Variants in STAU2 observed in about 807,000 individuals in gnomAD.
STAU2 encodes the protein double-stranded RNA-binding protein Staufen homolog 2.
STAU2 carries 20 observed loss-of-function variants against 65.9 expected under a neutral mutation model. The ratio of observed to expected loss-of-function variants is 0.30; its 90% CI spans 0.21 to 0.44. The LOEUF is 0.44. STAU2 is among the 20% of genes least tolerant of loss of function. STAU2 has a pLI of 1.00. For synonymous variants in STAU2, 232 were observed against 233.9 expected (o/e 0.99, Z 0.07); for missense variants, 558 against 683.9 (o/e 0.82, Z 2.05).
chr8:73,601,378 G>A (rs1811618431), intron 10 of STAU2, among the ~76,000 whole-genome samples: 1 of 151,974 alleles, frequency 6.6e-6, no homozygotes, highest in South Asian at 2.1e-4. Context: ...AAAATGAAAA[G>A]CTTTAAGAAA....
chr8:73,721,188 G>A (rs1821641449), intron 3 of STAU2, among the ~76,000 whole-genome samples: 1 of 145,830 alleles, frequency 6.9e-6, no homozygotes, highest in Non-Finnish European at 1.5e-5. Context: ...TACTCGGGGA[G>A]CAGAAATGGG....
intron 13 of STAU2, among the ~76,000 whole-genome samples, chr8:73,518,423 G>A (rs952568917): frequency 1.4e-4 from 22 of 152,146 alleles, no homozygotes; most frequent in Non-Finnish European, 2.4e-4. Context: ...AAATATTTTA[G>A]GACGTGCAGG....
At chr8:73,486,918 G>A (rs1035156356) in intron 13 of STAU2, among the ~76,000 whole-genome samples, 2 of 151,902 alleles carry the variant, frequency 1.3e-5, no homozygotes, top group Admixed American at 6.6e-5. Context: ...CTCTCAAGGC[G>A]CTGGCATTAC....
intron 13 of STAU2, chr8:73,550,899 C>T (rs1807286760): frequency 5.1e-6 from 5 of 986,932 alleles, no homozygotes; most frequent in Non-Finnish European, 6.0e-6. Flanking sequence ...AAACACATGA[C>T]CTTCTTTTTC....
At chr8:73,724,653 T>TTGTGTGTGTGTG (rs369351905) in intron 3 of STAU2, among the ~76,000 whole-genome samples, 4 of 100,084 alleles carry the variant, frequency 4.0e-5, no homozygotes, top group East Asian at 5.8e-4. Context: ...GTTCAGTAGG[T>TTGTGTGTGTGTG]TGTGTGTGTG....
intron 12 of STAU2, among the ~76,000 whole-genome samples, chr8:73,554,265 A>G (rs1807558581): frequency 6.6e-6 from 1 of 152,214 alleles, no homozygotes; most frequent in African/African-American, 2.4e-5. Context: ...GAAAAAGCTG[A>G]AAGCTGAAGC....
chr8:73,506,973 G>A (rs189495174), intron 13 of STAU2, among the ~76,000 whole-genome samples: 22 of 152,192 alleles, frequency 1.4e-4, no homozygotes, highest in African/African-American at 4.1e-4. Context: ...GTAATTCAGC[G>A]CTATCTTCAG....
At chr8:73,694,147 T>C (rs527542950) in intron 4 of STAU2, among the ~76,000 whole-genome samples, 1 of 152,312 alleles carries the variant, frequency 6.6e-6, no homozygotes, top group South Asian at 2.1e-4. Flanking sequence ...TAAGAAGACA[T>C]TGATATCCTA....
At chr8:73,659,600 T>C (rs902778551) in intron 6 of STAU2, among the ~76,000 whole-genome samples, 1 of 152,038 alleles carries the variant, frequency 6.6e-6, no homozygotes, top group Non-Finnish European at 1.5e-5. Flanking sequence ...TAAACACAAG[T>C]AAATAAACAT....
At chr8:73,440,823 C>T (rs182231107) in intron 13 of STAU2, 1 of 152,420 alleles carries the variant, frequency 6.6e-6, no homozygotes, top group East Asian at 1.9e-4. Flanking sequence ...AGCCCCAAAG[C>T]CCTACATGAT....
Position 73,552,185 on chromosome 8 carries a change from T to C in STAU2, c.1357A>G (p.Ser453Gly), listed in dbSNP as rs1283289032. ...DMNQPSSSFF[S>G]ISPTSNSSAT... is the part of the protein sequence containing the mutation. ...GAACTATTCGATGTGGGAGATATACTGAAGAAAGAGCTTGAAGGTTGGTTC... is the reference window on the plus strand; with the variant it reads ...GAACTATTCGATGTGGGAGATATACCGAAGAAAGAGCTTGAAGGTTGGTTC... Residue 453 changes from serine to glycine, a missense_variant, in exon 13 of 15, where the codon AGT becomes GGT. Physicochemically the swap from Ser to Gly is moderately conservative, Grantham distance 56. Around this residue, in one of 3 missense-constraint regions of STAU2, gnomAD observed 247 missense variants for 270.1 expected, o/e 0.91. Coordinates refer to ENST00000524300, the MANE Select transcript of STAU2 (RefSeq NM_001164380.2). 6.2e-6 allele frequency: 10 copies of C among 1,613,876 alleles called. No individual in the cohort carries two copies. The Admixed American group carries it at 1.7e-4, about 27-fold the overall frequency.
chr8:73,577,291 G>A (rs1028533975), intron 12 of STAU2, among the ~76,000 whole-genome samples: 15 of 151,914 alleles, frequency 9.9e-5, no homozygotes, highest in African/African-American at 3.4e-4. Context: ...AGCCGGGCGT[G>A]GTGGCAGGCG....
intron 3 of STAU2, among the ~76,000 whole-genome samples, chr8:73,721,972 C>T (rs1040882248): frequency 2.0e-5 from 3 of 151,976 alleles, no homozygotes; most frequent in African/African-American, 7.2e-5. Flanking sequence ...GTGTTTGTTC[C>T]TTTTTTCTTC....
chr8:73,554,769 G>A (rs1807593038), intron 12 of STAU2, among the ~76,000 whole-genome samples: 2 of 152,178 alleles, frequency 1.3e-5, no homozygotes, highest in African/African-American at 2.4e-5. Flanking sequence ...TCTTTCACCA[G>A]TTTATCAGTT....
chr8:73,575,659 T>G (rs1002217453), intron 12 of STAU2, among the ~76,000 whole-genome samples: 3 of 152,246 alleles, frequency 2.0e-5, no homozygotes, highest in Admixed American at 2.0e-4. Flanking sequence ...CAGGACATAC[T>G]GTTAAGCTAA....
chr8:73,691,246 C>T (rs1045483962), intron 4 of STAU2, among the ~76,000 whole-genome samples: 3 of 152,150 alleles, frequency 2.0e-5, no homozygotes, highest in Non-Finnish European at 4.4e-5. Context: ...CAAATCAGTT[C>T]ATACCCCAAA....
In STAU2 at chr8:73,429,413, C is replaced by CTTT. The variant is rs71561522; in HGVS notation, c.1531-6714_1531-6712dup. ...AACCAATCTATATTCTTGCTCAGGTCTTTTTTTTTTTTTTTTTTTTTTTTT... is the reference window on the plus strand; with the variant it reads ...AACCAATCTATATTCTTGCTCAGGTCTTTTTTTTTTTTTTTTTTTTTTTTTTTT... On this transcript the variant is annotated intron_variant, in intron 13 of 14. Coordinates refer to ENST00000524300, the MANE Select transcript of STAU2 (RefSeq NM_001164380.2). Among the ~76,000 whole-genome samples, 242 of 65,356 alleles carry CTTT rather than the reference C, an allele frequency of 3.7e-3. 92 individuals carry two copies. The highest frequency in any genetic ancestry group is 6.5e-3 in the East Asian group (10 of 1,544). 42.9% of individuals were successfully genotyped at this position (65,356 alleles called of 152,430 possible).
At chr8:73,457,194 AAGAGAT>A (rs1239366762) in intron 13 of STAU2, among the ~76,000 whole-genome samples, 1 of 150,574 alleles carries the variant, frequency 6.6e-6, no homozygotes, top group Non-Finnish European at 1.5e-5. Context: ...GAGAATACTA[AAGAGAT>A]CTACCCCAGC....
intron 6 of STAU2, among the ~76,000 whole-genome samples, chr8:73,649,183 C>G (rs1815628417): frequency 6.6e-6 from 1 of 152,160 alleles, no homozygotes; most frequent in African/African-American, 2.4e-5. Flanking sequence ...TTCAGAGATG[C>G]AAAACAAAGA....
Sources: gnomAD v4.1 joint callset for allele counts (sites outside exome capture counted in the v4.1 genomes callset) on GRCh38, gnomAD v4.1.1 for gene constraint, gnomAD v4.1.1 regional missense constraint, MANE v1.5 for transcripts, NCBI Gene and HGNC (gene_info 2026-07-23, HGNC 2026-07-21) for gene names.